The following PIK3AP1 variants were observed in gnomAD, a reference collection of about 807,000 sequenced individuals.
The protein encoded by PIK3AP1 is phosphoinositide 3-kinase adapter protein 1.
A neutral mutation model predicts 88.1 loss-of-function variants in PIK3AP1; 21 were observed. The observed-to-expected ratio is 0.24, with a 90% confidence interval of 0.17 to 0.34. PIK3AP1 has a LOEUF of 0.34. Among genes scored for constraint, PIK3AP1 ranks in the 10% least tolerant of loss-of-function variants. PIK3AP1 has a pLI of 1.00. For missense variants in PIK3AP1, 828 were observed against 1,035.7 expected (o/e 0.80, Z 2.75); for synonymous variants, 398 against 400.0 (o/e 1.00, Z 0.06).
intron 2 of PIK3AP1, among the ~76,000 whole-genome samples, chr10:96,693,009 A>G (rs1844174042): frequency 6.6e-6 from 1 of 152,164 alleles, no homozygotes. Context: ...TGCAGCTTTC[A>G]TCCATTGCTC....
At chr10:96,699,099 G>T in intron 2 of PIK3AP1, among the ~76,000 whole-genome samples, 1 of 152,086 alleles carries the variant, frequency 6.6e-6, no homozygotes, top group East Asian at 1.9e-4. Context: ...CAGGAGAATC[G>T]CTTGAACCCA....
At chr10:96,680,411 C>T (rs758895311) in intron 2 of PIK3AP1, among the ~76,000 whole-genome samples, 7 of 151,990 alleles carry the variant, frequency 4.6e-5, no homozygotes, top group Non-Finnish European at 7.4e-5. Context: ...CATCCAGGTA[C>T]TAAGCCTAGT....
In PIK3AP1 at chr10:96,709,147, A is replaced by AC. The variant is rs1433618486; in HGVS notation, c.430+419_430+420insG. On this transcript the variant is annotated intron_variant, in intron 2 of 16. Coordinates refer to ENST00000339364, the MANE Select transcript of PIK3AP1 (RefSeq NM_152309.3). The stretch of plus-strand genomic sequence containing the variant: ...ACTCCGACTCAAAAAAAAAAAAAAA[A>AC]AAACCCTTTTTTAACAAAAATGTGA... Among the ~76,000 whole-genome samples, 721 of 151,696 alleles carry AC rather than the reference A, an allele frequency of 4.8e-3. 40 individuals are homozygous for AC. In the South Asian group the frequency reaches 0.1, roughly 22 times the overall value.
intron 14 of PIK3AP1, among the ~76,000 whole-genome samples, chr10:96,607,327 C>T (rs1849019527): frequency 6.6e-6 from 1 of 152,156 alleles, no homozygotes; most frequent in African/African-American, 2.4e-5. Flanking sequence ...AGTTGCCTAC[C>T]CTTTCTGCTC....
intron 1 of PIK3AP1, among the ~76,000 whole-genome samples, chr10:96,714,043 A>G (rs1269314753): frequency 6.6e-6 from 1 of 152,170 alleles, no homozygotes; most frequent in Non-Finnish European, 1.5e-5. Context: ...GCATGGTGGC[A>G]TGCGTCTGTA....
At chr10:96,619,871 G>T (rs1010758689) in intron 12 of PIK3AP1, among the ~76,000 whole-genome samples, 2 of 152,218 alleles carry the variant, frequency 1.3e-5, no homozygotes, top group African/African-American at 2.4e-5. Flanking sequence ...GTGTGTGGAC[G>T]TGTCTGAGTT....
At chr10:96,625,652 A>G (rs1433146243) in intron 10 of PIK3AP1, among the ~76,000 whole-genome samples, 2 of 152,160 alleles carry the variant, frequency 1.3e-5, no homozygotes, top group African/African-American at 2.4e-5. Flanking sequence ...GGTGAATGCT[A>G]CCTTCCCCAA....
Position 96,595,193 on chromosome 10 carries a change from G to A in PIK3AP1, c.*384C>T, listed in dbSNP as rs752716756. The A allele has an allele frequency of 1.5e-5, 3 of 203,298 alleles. No individual in the cohort carries two copies. Among genetic ancestry groups the A allele is most frequent in the Non-Finnish European group, 3.0e-5 (3 of 99,752 alleles). 12.6% of individuals were successfully genotyped at this position (203,298 alleles called of 1,614,324 possible). ...ACACTATAACCTCTTCTAGAAATCAGGCTGAACTAGCAAATACATAAAGAC... is the reference window on the plus strand; with the variant it reads ...ACACTATAACCTCTTCTAGAAATCAAGCTGAACTAGCAAATACATAAAGAC... On this transcript the variant is annotated 3_prime_UTR_variant, in exon 17 of 17. Transcript: ENST00000339364.
At chr10:96,687,294 A>ATCTCCTCCTT (rs1465803033) in intron 2 of PIK3AP1, among the ~76,000 whole-genome samples, 1 of 147,232 alleles carries the variant, frequency 6.8e-6, no homozygotes, top group East Asian at 2.0e-4. Context: ...AAGAAAAAAG[A>ATCTCCTCCTT]TCTCCTCCTT....
intron 2 of PIK3AP1, among the ~76,000 whole-genome samples, chr10:96,683,475 C>CA (rs35876416): frequency 9.9e-5 from 15 of 151,488 alleles, no homozygotes; most frequent in Admixed American, 3.3e-4. Context: ...AATGTACTGA[C>CA]AAAAAAAAAT....
chr10:96,640,522 A>C (rs1843370181), intron 8 of PIK3AP1, among the ~76,000 whole-genome samples: 1 of 152,224 alleles, frequency 6.6e-6, no homozygotes, highest in African/African-American at 2.4e-5. Context: ...AGTGAGAAAA[A>C]GATGAGGAGA....
At chr10:96,700,239 G>A (rs1844278865) in intron 2 of PIK3AP1, among the ~76,000 whole-genome samples, 1 of 152,224 alleles carries the variant, frequency 6.6e-6, no homozygotes, top group Non-Finnish European at 1.5e-5. Flanking sequence ...GGCCGCCGAA[G>A]CGGCAGGAGA....
chr10:96,623,622 C>T lies in PIK3AP1; in HGVS notation c.1670-85G>A. ...AATAATAATGAATCCATACCTAGGACCACCGTATGTGGTTCTGTAAATCAA... is the reference window on the plus strand; with the variant it reads ...AATAATAATGAATCCATACCTAGGATCACCGTATGTGGTTCTGTAAATCAA... On this transcript the variant is annotated intron_variant, in intron 10 of 16. Coordinates refer to ENST00000339364, the MANE Select transcript of PIK3AP1 (RefSeq NM_152309.3). The T allele has an allele frequency of 2.5e-6, 3 of 1,186,818 alleles. No homozygotes were observed. In the Admixed American group the frequency reaches 5.3e-5, roughly 21 times the overall value. The allele number at this position is 1,186,818 out of a possible 1,614,324, so 73.5% of individuals were successfully genotyped here.
At chr10:96,642,429 A>G (rs1471847589) in intron 8 of PIK3AP1, among the ~76,000 whole-genome samples, 1 of 128,260 alleles carries the variant, frequency 7.8e-6, no homozygotes, top group Non-Finnish European at 1.7e-5. Context: ...TTGTCTCAAA[A>G]AAAAAAAAAA....
intron 8 of PIK3AP1, among the ~76,000 whole-genome samples, chr10:96,634,787 T>G (rs1005201632): frequency 6.6e-6 from 1 of 152,238 alleles, no homozygotes; most frequent in African/African-American, 2.4e-5. Flanking sequence ...CTTAGAGTTC[T>G]GTGGCTCAGA....
At chr10:96,643,437 T>A (rs959261528) in intron 8 of PIK3AP1, among the ~76,000 whole-genome samples, 8 of 152,200 alleles carry the variant, frequency 5.3e-5, no homozygotes, top group African/African-American at 1.7e-4. Flanking sequence ...GTGGGGTAGC[T>A]TTCGGACTTC....
intron 14 of PIK3AP1, among the ~76,000 whole-genome samples, chr10:96,605,337 A>G (rs1589481487): frequency 6.6e-6 from 1 of 152,328 alleles, no homozygotes; most frequent in East Asian, 1.9e-4. Flanking sequence ...TGGCTAGTGC[A>G]ACCAAGGAAA....
At chr10:96,644,134 G>A (rs1843427972) in intron 8 of PIK3AP1, among the ~76,000 whole-genome samples, 1 of 152,164 alleles carries the variant, frequency 6.6e-6, no homozygotes, top group Non-Finnish European at 1.5e-5. Context: ...CCCCCTGGGG[G>A]CGTTTGGAAA....
chr10:96,648,007 T>C (rs1173499832), intron 7 of PIK3AP1, among the ~76,000 whole-genome samples: 3 of 152,100 alleles, frequency 2.0e-5, no homozygotes, highest in African/African-American at 4.8e-5. Context: ...CCAAACCAGA[T>C]GATCAGATAA....
Sources: gnomAD v4.1 joint callset for allele counts (sites outside exome capture counted in the v4.1 genomes callset) on GRCh38, gnomAD v4.1.1 for gene constraint, MANE v1.5 for transcripts, NCBI Gene and HGNC (gene_info 2026-07-23, HGNC 2026-07-21) for gene names.